Variants in C9orf153 observed in about 807,000 individuals in gnomAD.
C9orf153 encodes the protein uncharacterized protein C9orf153.
Under a neutral mutation model 9.0 loss-of-function variants are expected in C9orf153, and 10 were observed. The ratio of observed to expected loss-of-function variants is 1.11; its 90% CI spans 0.69 to 1.89. The LOEUF (loss-of-function observed/expected upper bound fraction) is 1.89. Ranked by LOEUF, C9orf153 falls within the 40% of genes most tolerant of loss-of-function variation. The probability of loss-of-function intolerance (pLI) is 0.00; values close to 1 mark genes in which losing one functional copy is unlikely to be tolerated. For synonymous variants in C9orf153, 35 were observed against 37.3 expected (o/e 0.94, Z 0.23); for missense variants, 108 against 111.0 (o/e 0.97, Z 0.12).
At chr9:86,251,914 T>TACACACAC (rs34620205) in intron 1 of C9orf153, among the ~76,000 whole-genome samples, 21 of 140,246 alleles carry the variant, frequency 1.5e-4, no homozygotes, top group African/African-American at 4.7e-4. Flanking sequence ...TTAGGTAAAC[T>TACACACAC]ACACACACAC....
At chr9:86,244,089 T>C (rs914973561) in intron 1 of C9orf153, among the ~76,000 whole-genome samples, 1 of 152,212 alleles carries the variant, frequency 6.6e-6, no homozygotes, top group African/African-American at 2.4e-5. Flanking sequence ...GTAGTCCAAA[T>C]TGAGATGTGC....
intron 1 of C9orf153, among the ~76,000 whole-genome samples, chr9:86,234,557 G>T (rs910434527): frequency 3.3e-5 from 5 of 152,140 alleles, no homozygotes; most frequent in Non-Finnish European, 7.4e-5. Context: ...TACACAAAAT[G>T]AACCTAAAAT....
At chr9:86,249,525 G>C (rs374199358) in intron 1 of C9orf153, among the ~76,000 whole-genome samples, 9 of 151,476 alleles carry the variant, frequency 5.9e-5, no homozygotes, top group African/African-American at 2.2e-4. Context: ...AAACGGTAGA[G>C]GCCAAAGGAA....
intron 1 of C9orf153, among the ~76,000 whole-genome samples, chr9:86,250,137 C>A (rs1316481281): frequency 6.6e-6 from 1 of 152,118 alleles, no homozygotes; most frequent in South Asian, 2.1e-4. Flanking sequence ...ACAGAGCAGA[C>A]AATGGTTTCT....
intron 3 of C9orf153, among the ~76,000 whole-genome samples, chr9:86,225,343 T>TTTCCTTCC (rs531428596): frequency 2.6e-5 from 4 of 151,632 alleles, no homozygotes; most frequent in Admixed American, 6.6e-5. Context: ...CCTTTCTTTC[T>TTTCCTTCC]TTCCTTCCTT....
chr9:86,240,691 TTTTC>T (rs1330447186), intron 1 of C9orf153, among the ~76,000 whole-genome samples: 3 of 64,522 alleles, frequency 4.6e-5, no homozygotes, highest in Non-Finnish European at 7.8e-5. Flanking sequence ...TTTGCTTTTC[TTTTC>T]TTTTTCTTTT....
At chr9:86,236,511 T>C (rs888922946) in intron 1 of C9orf153, among the ~76,000 whole-genome samples, 15 of 141,884 alleles carry the variant, frequency 1.1e-4, no homozygotes, top group Admixed American at 6.0e-4. Flanking sequence ...ATCACGCCAT[T>C]GCACTCCAGC....
intron 3 of C9orf153, 143 bp downstream of exon 3, chr9:86,227,712 G>A: frequency 1.4e-6 from 2 of 1,382,350 alleles, no homozygotes; most frequent in Non-Finnish European, 1.9e-6. Context: ...GGAAAAGTGT[G>A]CTTGGGAGGG....
chr9:86,257,210 G>T (rs1039724597), intron 1 of C9orf153, among the ~76,000 whole-genome samples: 1 of 152,024 alleles, frequency 6.6e-6, no homozygotes, highest in African/African-American at 2.4e-5. Flanking sequence ...TATTAATTTT[G>T]CCTTGGCTTC....
intron 1 of C9orf153, among the ~76,000 whole-genome samples, chr9:86,254,193 T>C (rs1296074504): frequency 1.3e-5 from 2 of 152,170 alleles, no homozygotes; most frequent in African/African-American, 2.4e-5. Flanking sequence ...AGAAAAATTA[T>C]GTTTCAGAAG....
chr9:86,254,930 T>C (rs1186914310), intron 1 of C9orf153, among the ~76,000 whole-genome samples: 1 of 151,940 alleles, frequency 6.6e-6, no homozygotes, highest in Non-Finnish European at 1.5e-5. Flanking sequence ...CTGGGTGTGG[T>C]GATGCATGCC....
intron 1 of C9orf153, among the ~76,000 whole-genome samples, chr9:86,242,947 G>A (rs1311507968): frequency 6.6e-6 from 1 of 152,206 alleles, no homozygotes; most frequent in Non-Finnish European, 1.5e-5. Context: ...CCAAAGTGTT[G>A]GGATTACAGG....
Position 86,242,896 on chromosome 9 carries a change from C to T in C9orf153, c.-26-13267G>A, listed in dbSNP as rs147845008. On this transcript the variant is annotated intron_variant, in intron 1 of 3. Transcript: ENST00000339137. Reference sequence around the variant, plus strand: ...GTTTCACCATGTTGTCCAGGCTGGTCTCGAACTCCTGACCTCAGGTGATCC... The same window carrying T: ...GTTTCACCATGTTGTCCAGGCTGGTTTCGAACTCCTGACCTCAGGTGATCC... 9.0e-4 allele frequency among the ~76,000 whole-genome samples: 137 copies of T among 152,232 alleles called. No individual in the cohort carries two copies. The East Asian group carries it at 0.017, about 19-fold the overall frequency.
Position 86,230,592 on chromosome 9 carries a change from C to T in C9orf153, c.-26-963G>A, listed in dbSNP as rs192997501. ...CTGGGATTACAGGTGTGGGCCACCA[C>T]GCCCAGCTGGATAGTTTTATTTTCT... On this transcript the variant is annotated intron_variant, in intron 1 of 3. Transcript: ENST00000339137. 2.7e-3 allele frequency among the ~76,000 whole-genome samples: 415 copies of T among 152,304 alleles called. 5 individuals carry two copies. Among genetic ancestry groups the T allele is most frequent in the African/African-American group, 1.0e-3 (43 of 41,566 alleles).
intron 3 of C9orf153, chr9:86,227,377 G>A (rs1383166569): frequency 1.1e-5 from 17 of 1,529,688 alleles, no homozygotes; most frequent in Non-Finnish European, 1.1e-5. Context: ...TGTTTTCCAG[G>A]CTTGTTCATT....
At chr9:86,259,116 A>G (rs1222678365) in intron 1 of C9orf153, among the ~76,000 whole-genome samples, 1 of 151,784 alleles carries the variant, frequency 6.6e-6, no homozygotes, top group Non-Finnish European at 1.5e-5. Context: ...TGCAGCCTCA[A>G]CCTCCCAGGC....
chr9:86,224,066 G>C (rs1240335166), intron 3 of C9orf153, among the ~76,000 whole-genome samples: 5 of 152,048 alleles, frequency 3.3e-5, no homozygotes, highest in Non-Finnish European at 7.4e-5. Flanking sequence ...GCCAACCTGG[G>C]CAACATAGCA....
rs773801872 is a variant in C9orf153 at position 86,233,094 on chromosome 9, A to T, written c.-26-3465T>A. ...TATCCTCCCTTCCCTTCCAACAACA[A>T]CTCCTCTTGTCTTCCTTCTTGCTTC... On this transcript the variant is annotated intron_variant, in intron 1 of 3. Transcript: ENST00000339137. Among the ~76,000 whole-genome samples the T allele has an allele frequency of 1.7e-3, 252 of 149,810 alleles. 5 individuals are homozygous for T. The highest frequency in any genetic ancestry group is 5.1e-4 in the Non-Finnish European group (34 of 67,274).
At chr9:86,242,494 A>C (rs1824771566) in intron 1 of C9orf153, among the ~76,000 whole-genome samples, 1 of 152,174 alleles carries the variant, frequency 6.6e-6, no homozygotes. Context: ...TGTACAGCTT[A>C]TAATTTATCA....
Sources: gnomAD v4.1 joint callset for allele counts (sites outside exome capture counted in the v4.1 genomes callset) on GRCh38, gnomAD v4.1.1 for gene constraint, MANE v1.5 for transcripts, NCBI Gene and HGNC (gene_info 2026-07-23, HGNC 2026-07-21) for gene names.